The following TNRC6A variants were observed in gnomAD, a reference collection of about 807,000 sequenced individuals.
TNRC6A encodes trinucleotide repeat containing adaptor 6A.
A neutral mutation model predicts 221.2 loss-of-function variants in TNRC6A; 44 were observed. The ratio of observed to expected loss-of-function variants is 0.20; its 90% CI spans 0.16 to 0.26. The LOEUF (loss-of-function observed/expected upper bound fraction) is 0.26, where lower values mean the gene tolerates loss of function less well. Ranked by LOEUF, TNRC6A falls within the 10% of genes least tolerant of loss-of-function variation. TNRC6A has a pLI of 1.00. For missense variants in TNRC6A, 2,199 were observed against 2,404.4 expected (o/e 0.91, Z 1.79); for synonymous variants, 847 against 838.5 (o/e 1.01, Z -0.18).
chr16:24,738,569 C>T (rs901986926), intron 2 of TNRC6A, among the ~76,000 whole-genome samples: 5 of 152,164 alleles, frequency 3.3e-5, no homozygotes, highest in African/African-American at 9.7e-5. Context: ...CGTGACTTGT[C>T]TTATTTAGTG....
At chr16:24,710,683 G>T (rs1029489009) in intron 2 of TNRC6A, among the ~76,000 whole-genome samples, 3 of 151,788 alleles carry the variant, frequency 2.0e-5, no homozygotes, top group Admixed American at 6.6e-5. Context: ...TTTGTTGGAG[G>T]TGTTTTGCAA....
chr16:24,756,908 G>A (rs2057264161), intron 3 of TNRC6A, among the ~76,000 whole-genome samples: 1 of 151,918 alleles, frequency 6.6e-6, no homozygotes, highest in African/African-American at 2.4e-5. Flanking sequence ...TTTTTTTTAA[G>A]CCTTTCAACG....
chr16:24,739,824 A>G (rs1354405550), intron 2 of TNRC6A, among the ~76,000 whole-genome samples: 1 of 152,098 alleles, frequency 6.6e-6, no homozygotes, highest in African/African-American at 2.4e-5. Flanking sequence ...AAAATTTAAA[A>G]TTTTGTAAAT....
intron 2 of TNRC6A, among the ~76,000 whole-genome samples, chr16:24,650,386 C>T (rs1197087139): frequency 1.3e-5 from 2 of 152,058 alleles, no homozygotes; most frequent in Admixed American, 1.3e-4. Context: ...AGGGTTTGGC[C>T]AGGTGCAGTG....
chr16:24,692,521 G>T (rs2055776046), intron 2 of TNRC6A, among the ~76,000 whole-genome samples: 1 of 152,104 alleles, frequency 6.6e-6, no homozygotes, highest in Non-Finnish European at 1.5e-5. Context: ...AGTGAGCTGA[G>T]ATCGCACCAC....
intron 11 of TNRC6A, 168 bp from the exon 12 acceptor site, chr16:24,804,009 A>C (rs1596774672): frequency 1.6e-6 from 1 of 623,312 alleles, no homozygotes; most frequent in East Asian, 3.2e-5. Flanking sequence ...TTGCGACTTC[A>C]TTTGTGAGGA....
intron 2 of TNRC6A, among the ~76,000 whole-genome samples, chr16:24,675,615 A>T (rs1374722662): frequency 6.8e-6 from 1 of 147,050 alleles, no homozygotes; most frequent in Non-Finnish European, 1.5e-5. Flanking sequence ...CAGGAGGCAG[A>T]GGTTGCAGTG....
intron 2 of TNRC6A, among the ~76,000 whole-genome samples, chr16:24,700,202 C>T (rs2055941941): frequency 6.6e-6 from 1 of 151,926 alleles, no homozygotes; most frequent in African/African-American, 2.4e-5. Context: ...AGTTCAAGAC[C>T]AGCCTGGGCA....
At position 24,791,728 on chromosome 16, in the gene TNRC6A, G is replaced by T; in HGVS notation, c.3086G>T (p.Gly1029Val). 5 of 1,613,162 alleles carry T rather than the reference G, an allele frequency of 3.1e-6. No individual in the cohort carries two copies. Among genetic ancestry groups the T allele is most frequent in the Non-Finnish European group, 4.2e-6 (5 of 1,179,630 alleles). ...VNMWNKNVPNGNSRSDQQAQV... is the reference protein window; with the variant it reads ...VNMWNKNVPNVNSRSDQQAQV... ...ATGTGGAACAAAAACGTCCCAAATG[G>T]CAACAGCCGTTCAGACCAGCAAGCA... Residue 1029 changes from glycine (G) to valine (V), a missense_variant, in exon 6 of 25, where the codon GGC becomes GTC. Physicochemically the swap from Gly to Val is moderately radical, Grantham distance 109. This residue lies in a region of TNRC6A where 1,405 missense variants were observed against 1,400.2 expected (regional missense o/e 1.00). Coordinates refer to ENST00000395799, the MANE Select transcript of TNRC6A (RefSeq NM_014494.4).
In TNRC6A at chr16:24,804,798, G is replaced by A; in HGVS notation, c.3931G>A (p.Ala1311Thr). Reference protein sequence around the residue: ...PPSNSALPNQALGSIAGLGMQ... With the variant: ...PPSNSALPNQTLGSIAGLGMQ... The stretch of plus-strand genomic sequence containing the variant: ...TTCAAATAGTGCACTACCTAACCAG[G>A]CCCTTGGCTCCATAGCAGGGCTGGG... Residue 1311 changes from alanine to threonine, a missense_variant, in exon 13 of 25, where the codon GCC becomes ACC. Coordinates refer to ENST00000395799, the MANE Select transcript of TNRC6A (RefSeq NM_014494.4). The A allele has an allele frequency of 6.2e-7, 1 of 1,611,866 alleles. No homozygotes were observed. Among genetic ancestry groups the A allele is most frequent in the Non-Finnish European group, 8.5e-7 (1 of 1,179,516 alleles).
In TNRC6A at chr16:24,702,933, G is replaced by A. The variant is rs2056017004; in HGVS notation, n.403-47793G>A. ...ACCTGTAGTCCCAGCTACTCAGGAG[G>A]CTGAGGCAGGAGAATGATGTGAACC... On this transcript the variant is annotated intron_variant and non_coding_transcript_variant, in intron 2 of 2. Transcript: ENST00000566108. Among the ~76,000 whole-genome samples the A allele has an allele frequency of 2.0e-5, 3 of 151,696 alleles. No individual in the cohort carries two copies. In the South Asian group the frequency reaches 6.2e-4, roughly 31 times the overall value.
chr16:24,800,408 G>T (rs2058308126), intron 11 of TNRC6A, among the ~76,000 whole-genome samples: 1 of 152,168 alleles, frequency 6.6e-6, no homozygotes, highest in Non-Finnish European at 1.5e-5. Flanking sequence ...GGCATATATG[G>T]TAAGACCAGT....
At chr16:24,742,657 C>A (rs1231901795) in intron 2 of TNRC6A, among the ~76,000 whole-genome samples, 1 of 152,214 alleles carries the variant, frequency 6.6e-6, no homozygotes, top group East Asian at 1.9e-4. Flanking sequence ...CGCAGTGGCT[C>A]ACGCCTGTAA....
chr16:24,616,232 ACAAGAAT>A (rs1900335454), intron 1 of TNRC6A, among the ~76,000 whole-genome samples: 2 of 151,448 alleles, frequency 1.3e-5, no homozygotes, highest in African/African-American at 4.9e-5. Flanking sequence ...AGGCTGAGGC[ACAAGAAT>A]CACTTGAACC....
chr16:24,757,597 T>A (rs2057279403), intron 3 of TNRC6A, among the ~76,000 whole-genome samples: 2 of 152,220 alleles, frequency 1.3e-5, no homozygotes, highest in South Asian at 4.1e-4. Context: ...CCTTGGGAGT[T>A]TGAGCTAGTC....
chr16:24,708,067 A>AC (rs2056132304), intron 2 of TNRC6A, among the ~76,000 whole-genome samples: 2 of 151,852 alleles, frequency 1.3e-5, no homozygotes, highest in Admixed American at 6.6e-5. Context: ...AAAAAAAAAA[A>AC]AACACACACA....
intron 2 of TNRC6A, among the ~76,000 whole-genome samples, chr16:24,724,616 T>G (rs898996046): frequency 6.6e-6 from 1 of 151,992 alleles, no homozygotes; most frequent in Non-Finnish European, 1.5e-5. Context: ...TGCAGTGACT[T>G]GCGGCTGTAG....
intron 2 of TNRC6A, among the ~76,000 whole-genome samples, chr16:24,696,782 G>A (rs181066249): frequency 1.1e-3 from 165 of 146,618 alleles, no homozygotes; most frequent in African/African-American, 4.0e-3. Context: ...AAAGGGGAGG[G>A]GGAGGGAGGG....
At chr16:24,648,649 T>C (rs371257067) in intron 2 of TNRC6A, among the ~76,000 whole-genome samples, 1 of 152,148 alleles carries the variant, frequency 6.6e-6, no homozygotes, top group Non-Finnish European at 1.5e-5. Context: ...CACCAACACT[T>C]GTTTCCTGTG....
Sources: allele counts gnomAD v4.1 joint callset (sites outside exome capture counted in the v4.1 genomes callset), GRCh38; gene constraint gnomAD v4.1.1; regional missense constraint gnomAD v4.1.1; transcripts MANE v1.5; gene names NCBI Gene and HGNC (gene_info 2026-07-23, HGNC 2026-07-21).